The following MALRD1 variants were observed in gnomAD, a reference collection of about 807,000 sequenced individuals.
MALRD1 encodes the protein MAM and LDL receptor class A domain containing 1, also known as MAM and LDL-receptor class A domain-containing protein 1.
A neutral mutation model predicts 242.1 loss-of-function variants in MALRD1; 247 were observed. That is an observed-to-expected ratio of 1.02 (90% CI 0.92 to 1.13). The LOEUF is 1.13. Among genes scored for constraint, MALRD1 ranks in the 50% most tolerant of loss-of-function variants. The pLI is 0.00. For synonymous variants in MALRD1, 995 were observed against 866.6 expected (o/e 1.15, Z -2.60); for missense variants, 2,989 against 2,533.1 (o/e 1.18, Z -3.86).
chr10:19,581,515 C>T (rs1837123664), intron 33 of MALRD1, among the ~76,000 whole-genome samples: 1 of 151,316 alleles, frequency 6.6e-6, no homozygotes, highest in Non-Finnish European at 1.5e-5. Context: ...TGATGATTTC[C>T]AATTTCATCC....
At chr10:19,267,965 G>T (rs527822069) in intron 19 of MALRD1, among the ~76,000 whole-genome samples, 1 of 152,168 alleles carries the variant, frequency 6.6e-6, no homozygotes, top group South Asian at 2.1e-4. Flanking sequence ...CAGTTTTATT[G>T]TGTTCTTAGA....
chr10:19,232,424 C>T lies in MALRD1; in HGVS notation c.2991+22744C>T, dbSNP rs182327535. Among the ~76,000 whole-genome samples, 542 of 151,880 alleles carry T rather than the reference C, an allele frequency of 3.6e-3. 1 individual carries two copies. Among genetic ancestry groups the T allele is most frequent in the Middle Eastern group, 0.02 (6 of 294 alleles). ...AATTCCTGACTTCAAGTCATCCGCCCGCCTCAGCCTCCCGAAGTGCTGGGA... is the reference window on the plus strand; with the variant it reads ...AATTCCTGACTTCAAGTCATCCGCCTGCCTCAGCCTCCCGAAGTGCTGGGA... On this transcript the variant is annotated intron_variant, in intron 18 of 39. Coordinates refer to ENST00000454679, the MANE Select transcript of MALRD1 (RefSeq NM_001142308.3).
chr10:19,415,049 A>C (rs1466045415), intron 28 of MALRD1, among the ~76,000 whole-genome samples: 2 of 152,222 alleles, frequency 1.3e-5, no homozygotes, highest in Non-Finnish European at 2.9e-5. Context: ...TAGGCTATGA[A>C]GCCCTATTTA....
rs1185873110 is a variant in MALRD1 at position 19,191,929 on chromosome 10, C to T, written c.1952-11799C>T. 5.3e-5 allele frequency among the ~76,000 whole-genome samples: 8 copies of T among 151,914 alleles called. 1 individual carries two copies. In the South Asian group the frequency reaches 1.0e-3, roughly 20 times the overall value. ...AGGAGAATTGCTTGAACCTGGGAAG[C>T]GGAGGTTGTAGTGAGCTGAAATCGC... On this transcript the variant is annotated intron_variant, in intron 14 of 39. Coordinates refer to ENST00000454679, the MANE Select transcript of MALRD1 (RefSeq NM_001142308.3).
At chr10:19,440,670 G>A (rs7899800) in intron 28 of MALRD1, among the ~76,000 whole-genome samples, 106,820 of 151,972 alleles carry the variant, frequency 0.7, 37,621 homozygotes, top group Non-Finnish European at 0.74. Flanking sequence ...AAAGGACATG[G>A]ACTCATCCTT....
At chr10:19,134,647 T>A (rs1040895757) in intron 9 of MALRD1, among the ~76,000 whole-genome samples, 3 of 152,264 alleles carry the variant, frequency 2.0e-5, no homozygotes, top group African/African-American at 7.2e-5. Context: ...ATACATCCTA[T>A]CACAGCCTAT....
At chr10:19,165,226 C>T (rs2131503240) in intron 12 of MALRD1, among the ~76,000 whole-genome samples, 1 of 79,098 alleles carries the variant, frequency 1.3e-5, no homozygotes, top group African/African-American at 7.1e-5. Context: ...TTATATTTAA[C>T]ACAGAAGTTG....
intron 13 of MALRD1, among the ~76,000 whole-genome samples, chr10:19,172,472 A>G (rs1475707102): frequency 1.3e-5 from 2 of 151,796 alleles, no homozygotes; most frequent in Non-Finnish European, 2.9e-5. Flanking sequence ...TGGCTTTTGA[A>G]GTTGGATTTA....
chr10:19,428,076 G>C (rs1385473787), intron 28 of MALRD1, among the ~76,000 whole-genome samples: 1 of 148,264 alleles, frequency 6.7e-6, no homozygotes, highest in Non-Finnish European at 1.5e-5. Context: ...CCCACCTTGT[G>C]GACAGAATAA....
Position 19,708,535 on chromosome 10 carries a change from A to G in MALRD1, c.6314+15981A>G, listed in dbSNP as rs1833969811. Among the ~76,000 whole-genome samples, 2 of 90,610 alleles carry G rather than the reference A, an allele frequency of 2.2e-5. 1 individual carries two copies. Among genetic ancestry groups the G allele is most frequent in the Non-Finnish European group, 4.6e-5 (2 of 43,038 alleles). 59.4% of individuals were successfully genotyped at this position (90,610 alleles called of 152,430 possible). On this transcript the variant is annotated intron_variant, in intron 38 of 39. Coordinates refer to ENST00000454679, the MANE Select transcript of MALRD1 (RefSeq NM_001142308.3). The stretch of plus-strand genomic sequence containing the variant: ...TTTTTTTTTTTTTTTTTGTACAGAC[A>G]TGGTCTTGCTGTATTGTTGAGACTG...
chr10:19,462,821 A>G (rs945349420), intron 29 of MALRD1, among the ~76,000 whole-genome samples: 11 of 152,194 alleles, frequency 7.2e-5, no homozygotes, highest in Admixed American at 6.5e-4. Context: ...GCTGCCTGAA[A>G]TATTGTGAGA....
intron 33 of MALRD1, among the ~76,000 whole-genome samples, chr10:19,587,688 A>T (rs1045488844): frequency 2.6e-5 from 4 of 152,232 alleles, no homozygotes; most frequent in African/African-American, 9.6e-5. Context: ...AGAAACACCT[A>T]CAATATCAGG....
At chr10:19,516,291 T>C (rs1023585823) in intron 31 of MALRD1, among the ~76,000 whole-genome samples, 5 of 152,194 alleles carry the variant, frequency 3.3e-5, no homozygotes, top group African/African-American at 1.2e-4. Context: ...AAGTGCTCAT[T>C]TTTTTCAGCC....
At position 19,418,902 on chromosome 10, in the gene MALRD1, T is replaced by G. The variant is rs1193691974; in HGVS notation, c.4845+29293T>G. On this transcript the variant is annotated intron_variant, in intron 28 of 39. Coordinates refer to ENST00000454679, the MANE Select transcript of MALRD1 (RefSeq NM_001142308.3). Reference sequence around the variant, plus strand: ...CATTCTAACTTCACATCTCTCTTAGTGCCTGGGACAGTGCCCTTTATCCAC... The same window carrying G: ...CATTCTAACTTCACATCTCTCTTAGGGCCTGGGACAGTGCCCTTTATCCAC... 2.0e-5 allele frequency among the ~76,000 whole-genome samples: 3 copies of G among 152,206 alleles called. No individual in the cohort carries two copies. The East Asian group carries it at 5.8e-4, about 29-fold the overall frequency.
chr10:19,076,187 A>G (rs778292938), intron 2 of MALRD1, among the ~76,000 whole-genome samples: 1 of 152,094 alleles, frequency 6.6e-6, no homozygotes, highest in Non-Finnish European at 1.5e-5. Context: ...TCTGTCTTCC[A>G]TTAATGCCAC....
At chr10:19,589,596 CT>C (rs1179089315) in intron 33 of MALRD1, among the ~76,000 whole-genome samples, 2 of 152,146 alleles carry the variant, frequency 1.3e-5, no homozygotes, top group Non-Finnish European at 2.9e-5. Context: ...TATAATACCC[CT>C]AATCAGATGT....
chr10:19,682,773 A>G (rs1842425076), intron 36 of MALRD1, among the ~76,000 whole-genome samples: 1 of 152,190 alleles, frequency 6.6e-6, no homozygotes, highest in South Asian at 2.1e-4. Context: ...TTCTGCTGAC[A>G]GAGGCTCAGC....
At chr10:19,203,655 T>C in intron 14 of MALRD1, 73 bp from the exon 15 acceptor site, 1 of 1,400,256 alleles carries the variant, frequency 7.1e-7, no homozygotes, top group Non-Finnish European at 9.5e-7. Context: ...GTGAATTCTA[T>C]TTGAGCTCTG....
At chr10:19,115,781 C>T (rs918629881) in intron 5 of MALRD1, among the ~76,000 whole-genome samples, 15 of 152,080 alleles carry the variant, frequency 9.9e-5, no homozygotes, top group East Asian at 9.7e-4. Context: ...GAGGCTGAGA[C>T]GGGAGAATCG....
Sources: allele counts gnomAD v4.1 joint callset (sites outside exome capture counted in the v4.1 genomes callset), GRCh38; gene constraint gnomAD v4.1.1; transcripts MANE v1.5; gene names NCBI Gene and HGNC (gene_info 2026-07-23, HGNC 2026-07-21).